Variants in ADORA2B observed in about 807,000 individuals in gnomAD.
ADORA2B encodes adenosine receptor A2b.
A neutral mutation model predicts 20.8 loss-of-function variants in ADORA2B; 18 were observed. The observed-to-expected ratio is 0.87, with a 90% CI of 0.60 to 1.29. ADORA2B has a LOEUF of 1.29. Ranked by LOEUF, ADORA2B falls within the 50% of genes most tolerant of loss-of-function variation. The probability of loss-of-function intolerance (pLI) is 0.00; values close to 1 mark genes in which losing one functional copy is unlikely to be tolerated. For synonymous variants in ADORA2B, 179 were observed against 178.3 expected, an observed-to-expected ratio of 1.00 and a Z score of -0.03; for missense variants, 441 against 422.7, an observed-to-expected ratio of 1.04 and a Z score of -0.38.
the ADORA2B span, among the ~76,000 whole-genome samples, chr17:15,886,660 T>A: frequency 7.8e-6 from 1 of 128,660 alleles, no homozygotes; most frequent in Non-Finnish European, 1.6e-5. Context: ...GGAAGAAGAG[T>A]GGAATTTATG....
the ADORA2B span, among the ~76,000 whole-genome samples, chr17:15,867,558 C>T: frequency 0.077 from 11,432 of 148,350 alleles, 1,298 homozygotes; most frequent in African/African-American, 0.24. Flanking sequence ...GCAGCCACCC[C>T]GTCCGGGAGG....
intron 1 of ADORA2B, among the ~76,000 whole-genome samples, chr17:15,968,039 A>G (rs752967658): frequency 6.6e-6 from 1 of 152,206 alleles, no homozygotes; most frequent in Non-Finnish European, 1.5e-5. Context: ...AGTCACAATC[A>G]AACAAGGTAG....
chr17:15,882,143 A>G, the ADORA2B span, among the ~76,000 whole-genome samples: 1 of 151,976 alleles, frequency 6.6e-6, no homozygotes, highest in Non-Finnish European at 1.5e-5. Flanking sequence ...CATCAAGGCA[A>G]CTCATCAAGG....
At chr17:15,868,859 A>G in the ADORA2B span, among the ~76,000 whole-genome samples, 1 of 151,254 alleles carries the variant, frequency 6.6e-6, no homozygotes, top group Admixed American at 6.6e-5. Context: ...TTATGTACCA[A>G]TAAGTTATTT....
At chr17:15,855,838 G>GC in the ADORA2B span, among the ~76,000 whole-genome samples, 273 of 151,954 alleles carry the variant, frequency 1.8e-3, 2 homozygotes, top group East Asian at 0.01. Context: ...TTCAACCTTT[G>GC]CCCCCCTCCC....
the ADORA2B span, among the ~76,000 whole-genome samples, chr17:15,869,197 GTAATCCCAGC>G: frequency 9.9e-5 from 15 of 151,546 alleles, no homozygotes; most frequent in East Asian, 2.9e-3. Flanking sequence ...ACGCACAACT[GTAATCCCAGC>G]TACTCGGGAG....
chr17:15,891,253 T>C, the ADORA2B span, among the ~76,000 whole-genome samples: 2 of 152,002 alleles, frequency 1.3e-5, no homozygotes, highest in East Asian at 3.9e-4. Flanking sequence ...GGTGACAGAG[T>C]GAGACTCTGT....
At chr17:15,934,351 A>C in the ADORA2B span, among the ~76,000 whole-genome samples, 1 of 151,966 alleles carries the variant, frequency 6.6e-6, no homozygotes, top group South Asian at 2.1e-4. Context: ...TCAGCCTCCC[A>C]AGTAGCTGGG....
the ADORA2B span, among the ~76,000 whole-genome samples, chr17:15,935,078 AT>A: frequency 8.5e-5 from 13 of 152,274 alleles, no homozygotes; most frequent in African/African-American, 3.1e-4. Context: ...AAGTGTTGGG[AT>A]TACATGTGTG....
chr17:15,964,708 A>T (rs551926349), intron 1 of ADORA2B, among the ~76,000 whole-genome samples: 105 of 134,310 alleles, frequency 7.8e-4, no homozygotes, highest in Middle Eastern at 3.4e-3. Flanking sequence ...CATAAATATT[A>T]AAAAAAAAAC....
At chr17:15,913,758 G>A in the ADORA2B span, among the ~76,000 whole-genome samples, 235 of 152,308 alleles carry the variant, frequency 1.5e-3, no homozygotes, top group African/African-American at 5.1e-3. Context: ...CCAAAGGGCC[G>A]GTCCCGTCAC....
chr17:15,883,562 G>A, the ADORA2B span, among the ~76,000 whole-genome samples: 1 of 152,210 alleles, frequency 6.6e-6, no homozygotes, highest in Non-Finnish European at 1.5e-5. Context: ...AGGTGGATGG[G>A]TAGATGCAGA....
chr17:15,926,898 G>A, the ADORA2B span, among the ~76,000 whole-genome samples: 1 of 152,100 alleles, frequency 6.6e-6, no homozygotes. Flanking sequence ...TTGAGCCTAG[G>A]AGTTCGAAGC....
intron 1 of ADORA2B, among the ~76,000 whole-genome samples, chr17:15,965,073 C>A (rs1339199422): frequency 6.9e-6 from 1 of 145,400 alleles, no homozygotes; most frequent in East Asian, 2.0e-4. Context: ...AACAAACAAA[C>A]AAAATTTCAT....
the ADORA2B span, among the ~76,000 whole-genome samples, chr17:15,877,251 A>G: frequency 6.6e-6 from 1 of 152,102 alleles, no homozygotes; most frequent in Non-Finnish European, 1.5e-5. Flanking sequence ...CTATCACCAA[A>G]TCTCCCTACC....
At chr17:15,951,318 C>A (rs1969899161) in intron 1 of ADORA2B, among the ~76,000 whole-genome samples, 1 of 152,214 alleles carries the variant, frequency 6.6e-6, no homozygotes, top group Non-Finnish European at 1.5e-5. Flanking sequence ...GGCCAGAGGC[C>A]CAGGCTGAGG....
At chr17:15,916,541 G>C in the ADORA2B span, among the ~76,000 whole-genome samples, 1 of 152,104 alleles carries the variant, frequency 6.6e-6, no homozygotes, top group Non-Finnish European at 1.5e-5. Context: ...GTACATGACT[G>C]GGGTCTGCAA....
the ADORA2B span, among the ~76,000 whole-genome samples, chr17:15,920,263 G>A: frequency 6.6e-6 from 1 of 152,198 alleles, no homozygotes; most frequent in African/African-American, 2.4e-5. Flanking sequence ...TTACTTAATG[G>A]GTGCAATGTA....
intron 1 of ADORA2B, among the ~76,000 whole-genome samples, chr17:15,968,299 A>G (rs973759270): frequency 5.3e-5 from 8 of 152,292 alleles, no homozygotes; most frequent in Non-Finnish European, 5.9e-5. Flanking sequence ...AAACCCACAT[A>G]TACGGAGGGC....
Sources: allele counts gnomAD v4.1 joint callset (sites outside exome capture counted in the v4.1 genomes callset), GRCh38; gene constraint gnomAD v4.1.1; transcripts MANE v1.5; gene names NCBI Gene and HGNC (gene_info 2026-07-23, HGNC 2026-07-21).